SPAG1: variants seen among roughly 807,000 people sequenced by gnomAD.
SPAG1 encodes sperm-associated antigen 1.
Under a neutral mutation model 100.5 loss-of-function variants are expected in SPAG1, and 69 were observed. That is an observed-to-expected ratio of 0.69 (90% CI 0.57 to 0.84). The LOEUF is 0.84. SPAG1 is among the 40% of genes least tolerant of loss of function. The pLI is 0.00. For synonymous variants in SPAG1, 336 were observed against 411.6 expected, an observed-to-expected ratio of 0.82 and a Z score of 2.22; for missense variants, 955 against 1,133.1, an observed-to-expected ratio of 0.84 and a Z score of 2.26.
Position 100,184,047 on chromosome 8 carries a change from A to G in SPAG1, c.580A>G (p.Arg194Gly). 6.9e-7 allele frequency: 1 copy of G among 1,452,564 alleles called. No individual in the cohort carries two copies. Among genetic ancestry groups the G allele is most frequent in the East Asian group, 2.4e-5 (1 of 40,974 alleles). The allele number at this position is 1,452,564 out of a possible 1,614,324, so 90.0% of individuals were successfully genotyped here. ...GTCACACTTGTCTAAAATTGAGACAAGAATAGATACAGCAGGTAATTGGAG... is the reference window on the plus strand; with the variant it reads ...GTCACACTTGTCTAAAATTGAGACAGGAATAGATACAGCAGGTAATTGGAG... ...DKSHLSKIET[R>G]IDTAGLTEKE... Residue 194 changes from arginine to glycine, a missense_variant, in exon 6 of 19, where the codon AGA becomes GGA. By Grantham distance (125) the Arg-to-Gly change is moderately radical. Transcript: ENST00000388798.
chr8:100,175,081 G>A (rs1816048279), intron 3 of SPAG1, among the ~76,000 whole-genome samples: 1 of 151,364 alleles, frequency 6.6e-6, no homozygotes, highest in Non-Finnish European at 1.5e-5. Flanking sequence ...TAACTCTTGG[G>A]CTCAAGCGAT....
At position 100,160,460 on chromosome 8, in the gene SPAG1, C is replaced by T. The variant is rs200921162; in HGVS notation, c.-2-1819C>T. 2.0e-5 allele frequency among the ~76,000 whole-genome samples: 3 copies of T among 152,132 alleles called. No individual in the cohort carries two copies. In the East Asian group the frequency reaches 5.8e-4, roughly 29 times the overall value. ...TGGCCAACATGGTGAAACCCCATCT[C>T]TACTAAAAATACAAAAATTAGTTGG... is the stretch of plus-strand genomic sequence containing the variant. On this transcript the variant is annotated intron_variant, in intron 1 of 18. Transcript: ENST00000388798.
chr8:100,202,335 A>G (rs939144310), intron 10 of SPAG1, among the ~76,000 whole-genome samples: 5 of 143,618 alleles, frequency 3.5e-5, no homozygotes, highest in African/African-American at 1.0e-4. Context: ...TCACATCACC[A>G]TTTGTTTAAA....
intron 10 of SPAG1, among the ~76,000 whole-genome samples, chr8:100,212,232 TA>T (rs1817747279): frequency 6.6e-6 from 1 of 152,224 alleles, no homozygotes; most frequent in African/African-American, 2.4e-5. Context: ...TCTCTGTGCT[TA>T]AAATCTTGGC....
chr8:100,183,645 G>A (rs557853440), intron 5 of SPAG1, among the ~76,000 whole-genome samples: 29 of 151,590 alleles, frequency 1.9e-4, no homozygotes, highest in African/African-American at 7.0e-4. Context: ...TTTTTATAAA[G>A]TCAGCCAAAA....
chr8:100,216,924 A>G (rs554468594), intron 12 of SPAG1, among the ~76,000 whole-genome samples: 6 of 140,786 alleles, frequency 4.3e-5, no homozygotes, highest in Non-Finnish European at 7.6e-5. Flanking sequence ...GGAGAGTTCC[A>G]TGAGTTCTTT....
rs57609196 is a variant in SPAG1 at position 100,237,679 on chromosome 8, C to G, written c.2116-1561C>G. Among the ~76,000 whole-genome samples, 782 of 152,238 alleles carry G rather than the reference C, an allele frequency of 5.1e-3. 10 individuals carry two copies. The highest frequency in any genetic ancestry group is 0.018 in the African/African-American group (765 of 41,508). ...ATCTGTGAAGTGAATGAGCCTCGCC[C>G]CCTCTTAGCTGCCTCCTTGCCCAAT... On this transcript the variant is annotated intron_variant, in intron 16 of 18. Coordinates refer to ENST00000388798, the MANE Select transcript of SPAG1 (RefSeq NM_003114.5).
At chr8:100,213,013 C>CCGCGGCCT (rs1817789361) in intron 10 of SPAG1, 77 bp from the exon 11 acceptor site, 22 of 1,056,180 alleles carry the variant, frequency 2.1e-5, no homozygotes, top group South Asian at 1.9e-4. Flanking sequence ...GTCCTGCACC[C>CCGCGGCCT]CCGCGGCCTC....
rs1278133791 is a variant in SPAG1, at chr8:100,159,741, C to T, written c.-3+1125C>T. Among the ~76,000 whole-genome samples the T allele has an allele frequency of 2.6e-5, 4 of 152,176 alleles. No individual in the cohort carries two copies. In the South Asian group the frequency reaches 8.3e-4, roughly 31 times the overall value. On this transcript the variant is annotated intron_variant, in intron 1 of 18. Coordinates refer to ENST00000388798, the MANE Select transcript of SPAG1 (RefSeq NM_003114.5). ...TAGTCTATTTTTTATTCTATTCCAT[C>T]TCATTATAAAACAATGTTAATTGCA...
Position 100,239,377 on chromosome 8 carries a change from G to C in SPAG1, c.2253G>C (p.Lys751Asn). 1 of 1,605,530 alleles carries C rather than the reference G, an allele frequency of 6.2e-7. No individual in the cohort carries two copies. The highest frequency in any genetic ancestry group is 8.5e-7 in the Non-Finnish European group (1 of 1,172,542). Residue 751 changes from lysine (K) to asparagine (N), a missense_variant, in exon 17 of 19, where the codon AAG (lysine) becomes AAC (asparagine). Lys to Asn is a moderately conservative substitution (Grantham distance 94, BLOSUM62 0). Coordinates refer to ENST00000388798, the MANE Select transcript of SPAG1 (RefSeq NM_003114.5). The surrounding 1 kb of genome is among the most constrained non-coding windows in gnomAD (Gnocchi z 5.0). ...AGACAGCACCATTCAACAAAGAAAA[G>C]GAGAGAAGGAAAATTGAGATTCAAG... Reference protein sequence around the residue: ...KDKTAPFNKEKERRKIEIQEV... With the variant: ...KDKTAPFNKENERRKIEIQEV...
intron 4 of SPAG1, among the ~76,000 whole-genome samples, chr8:100,179,102 T>C (rs532704745): frequency 1.5e-5 from 2 of 129,882 alleles, no homozygotes; most frequent in South Asian, 4.9e-4. Context: ...ACAAAAAAAC[T>C]CTGGGCATGG....
chr8:100,221,964 A>AC (rs769408671), intron 13 of SPAG1, among the ~76,000 whole-genome samples: 10 of 152,210 alleles, frequency 6.6e-5, no homozygotes, highest in Admixed American at 1.3e-4. Flanking sequence ...GAAGAAAGGG[A>AC]CATACATCCA....
At chr8:100,216,697 G>A (rs1294439432) in intron 12 of SPAG1, among the ~76,000 whole-genome samples, 2 of 152,206 alleles carry the variant, frequency 1.3e-5, no homozygotes, top group Admixed American at 1.3e-4. Flanking sequence ...CAGTCCCAGT[G>A]TAAGAGAAAT....
Position 100,240,519 on chromosome 8 carries a change from G to A in SPAG1, c.2397G>A (p.Pro799=), listed in dbSNP as rs775891909. ...SRSPEDPEKL[P]IAKPNNAYEF... ...CACCAGAAGACCCTGAGAAACTTCC[G>A]ATAGCCAAGCCTAATAATGCCTATG... Residue 799 remains proline (P), a synonymous_variant, in exon 18 of 19, where the codon CCG becomes CCA. Transcript: ENST00000388798. 5.6e-5 allele frequency: 91 copies of A among 1,614,004 alleles called. 1 individual carries two copies. The highest frequency in any genetic ancestry group is 2.0e-4 in the South Asian group (18 of 91,076).
At chr8:100,229,937 C>T (rs1185408049) in intron 14 of SPAG1, among the ~76,000 whole-genome samples, 45 of 152,142 alleles carry the variant, frequency 3.0e-4, no homozygotes, top group Admixed American at 2.9e-3. Flanking sequence ...TCTGATGGCC[C>T]CATTTTCACA....
At chr8:100,176,344 A>T (rs759100131) in intron 3 of SPAG1, among the ~76,000 whole-genome samples, 1 of 151,616 alleles carries the variant, frequency 6.6e-6, no homozygotes, top group Non-Finnish European at 1.5e-5. Context: ...AGTCTATAGG[A>T]ATGTCTTTCT....
At chr8:100,186,947 A>G (rs1017743151) in intron 7 of SPAG1, among the ~76,000 whole-genome samples, 173 bp from the exon 8 acceptor site, 1 of 152,130 alleles carries the variant, frequency 6.6e-6, no homozygotes. Flanking sequence ...ATCTCCAAAT[A>G]CAGTCATGTT....
chr8:100,225,635 G>A (rs573672383), intron 14 of SPAG1, among the ~76,000 whole-genome samples: 1 of 149,970 alleles, frequency 6.7e-6, no homozygotes. Flanking sequence ...ATTTTAGTGG[G>A]TTTTTTTTTG....
At chr8:100,191,309 C>T (rs972551461) in intron 8 of SPAG1, 81 bp from the exon 9 acceptor site, 3 of 899,346 alleles carry the variant, frequency 3.3e-6, no homozygotes, top group Admixed American at 4.0e-5. Flanking sequence ...CTGTGCTGCT[C>T]ATATCTTCCA....
Sources: gnomAD v4.1 joint callset for allele counts (sites outside exome capture counted in the v4.1 genomes callset) on GRCh38, gnomAD v4.1.1 for gene constraint, Gnocchi (gnomAD v3.1) non-coding constraint, MANE v1.5 for transcripts, NCBI Gene and HGNC (gene_info 2026-07-23, HGNC 2026-07-21) for gene names.